Variants in PLPPR5 observed in about 807,000 individuals in gnomAD.
PLPPR5 encodes the protein phospholipid phosphatase related 5, also known as phospholipid phosphatase-related protein type 5.
PLPPR5 carries 16 observed loss-of-function variants against 33.9 expected under a neutral mutation model. That is an observed-to-expected ratio of 0.47 (90% CI 0.32 to 0.72). The LOEUF (loss-of-function observed/expected upper bound fraction) is 0.72. Among genes scored for constraint, PLPPR5 ranks in the 30% least tolerant of loss-of-function variants. The pLI is 0.03. For synonymous variants in PLPPR5, 163 were observed against 150.3 expected (o/e 1.08, Z -0.62); for missense variants, 301 against 406.7 (o/e 0.74, Z 2.23).
intron 1 of PLPPR5, among the ~76,000 whole-genome samples, chr1:98,991,732 G>A (rs535632106): frequency 2.0e-5 from 3 of 152,180 alleles, no homozygotes; most frequent in African/African-American, 4.8e-5. Context: ...ACTGGAAGGC[G>A]GAGCATCCCA....
rs1277010216 is a variant in PLPPR5, at chr1:98,890,571, A to G, written c.*2501T>C. 2.6e-5 allele frequency: 4 copies of G among 152,582 alleles called. No individual in the cohort carries two copies. Among genetic ancestry groups the G allele is most frequent in the Admixed American group, 1.3e-4 (2 of 15,258 alleles). 9.5% of individuals were successfully genotyped at this position (152,582 alleles called of 1,614,324 possible). A position where few individuals can be genotyped will look rare whatever the true frequency, so the allele number is the denominator to read the frequency against. ...CTAAATTATACTGACCTGGGCCCCAAGTAAGTAGAATAAAAAGGAGATGTT... is the reference window on the plus strand; with the variant it reads ...CTAAATTATACTGACCTGGGCCCCAGGTAAGTAGAATAAAAAGGAGATGTT... On this transcript the variant is annotated 3_prime_UTR_variant, in exon 6 of 6. Coordinates refer to ENST00000263177, the MANE Select transcript of PLPPR5 (RefSeq NM_001037317.2).
chr1:98,954,058 T>C (rs1435046507), intron 2 of PLPPR5, among the ~76,000 whole-genome samples: 1 of 152,200 alleles, frequency 6.6e-6, no homozygotes, highest in Non-Finnish European at 1.5e-5. Flanking sequence ...TTAAAATTTA[T>C]TTGCTTTGGT....
chr1:98,937,343 CT>C (rs1218894744), intron 3 of PLPPR5, among the ~76,000 whole-genome samples: 2 of 152,222 alleles, frequency 1.3e-5, no homozygotes, highest in Non-Finnish European at 2.9e-5. Context: ...ATTCTTGAAT[CT>C]TCCCTATCAA....
At chr1:99,002,663 T>C (rs1014012613) in intron 1 of PLPPR5, among the ~76,000 whole-genome samples, 1 of 152,160 alleles carries the variant, frequency 6.6e-6, no homozygotes, top group Non-Finnish European at 1.5e-5. Context: ...TGGAGAATCA[T>C]CCAAATCATT....
At chr1:98,940,786 A>G (rs938058382) in intron 3 of PLPPR5, among the ~76,000 whole-genome samples, 1 of 151,932 alleles carries the variant, frequency 6.6e-6, no homozygotes, top group African/African-American at 2.4e-5. Context: ...TTTCAGAGGT[A>G]TTTCAAATGT....
At chr1:98,980,586 C>T (rs1043136607) in intron 1 of PLPPR5, among the ~76,000 whole-genome samples, 4 of 152,058 alleles carry the variant, frequency 2.6e-5, no homozygotes, top group Admixed American at 2.6e-4. Context: ...AGGAATAGTA[C>T]TGTTCGACTT....
intron 5 of PLPPR5, among the ~76,000 whole-genome samples, chr1:98,904,634 T>C (rs568824853): frequency 9.9e-5 from 15 of 152,260 alleles, no homozygotes; most frequent in Admixed American, 2.0e-4. Flanking sequence ...GCCAGTCTCA[T>C]AGACCCAGCA....
Position 98,953,234 on chromosome 1 carries a change from C to A in PLPPR5, c.457G>T (p.Ala153Ser), listed in dbSNP as rs1266016143. Residue 153 changes from alanine to serine, a missense_variant, in exon 3 of 6, where the codon GCC becomes TCC. Transcript: ENST00000263177. The part of the protein sequence containing the change: ...VTGNLAPHFL[A>S]LCKPNYTALG... ...GCTGTATAATTGGGCTTACACAGGG[C>A]AAGGAAATGTGGGGCCAGATTTCCT... The A allele has an allele frequency of 1.2e-6, 2 of 1,613,850 alleles. No homozygotes were observed. Among genetic ancestry groups the A allele is most frequent in the African/African-American group, 2.7e-5 (2 of 74,854 alleles).
chr1:98,999,334 C>T (rs1039128767), intron 1 of PLPPR5, among the ~76,000 whole-genome samples: 4 of 152,162 alleles, frequency 2.6e-5, no homozygotes, highest in African/African-American at 9.7e-5. Context: ...ATATTTACCT[C>T]AATTTTACAA....
intron 1 of PLPPR5, among the ~76,000 whole-genome samples, chr1:98,971,858 G>T (rs1651673977): frequency 6.6e-6 from 1 of 151,984 alleles, no homozygotes; most frequent in South Asian, 2.1e-4. Flanking sequence ...TCATTGTGAT[G>T]AATATTTTCA....
intron 5 of PLPPR5, among the ~76,000 whole-genome samples, chr1:98,908,988 A>T (rs964018895): frequency 1.3e-5 from 2 of 152,074 alleles, no homozygotes; most frequent in Non-Finnish European, 2.9e-5. Flanking sequence ...AATTGAAAAA[A>T]TTTTTAAAAG....
intron 1 of PLPPR5, among the ~76,000 whole-genome samples, chr1:98,993,846 C>T (rs967040743): frequency 6.6e-6 from 1 of 151,920 alleles, no homozygotes; most frequent in Admixed American, 6.6e-5. Context: ...ATCAAAAGCA[C>T]CCTTTATAAA....
chr1:98,917,139 C>T (rs1018123141), intron 4 of PLPPR5, among the ~76,000 whole-genome samples: 1 of 152,104 alleles, frequency 6.6e-6, no homozygotes, highest in African/African-American at 2.4e-5. Flanking sequence ...AGGCAACATG[C>T]CACCCCACTC....
At chr1:98,983,220 A>G (rs1652121410) in intron 1 of PLPPR5, among the ~76,000 whole-genome samples, 1 of 138,828 alleles carries the variant, frequency 7.2e-6, no homozygotes, top group African/African-American at 2.7e-5. Context: ...TATATCTCCC[A>G]ATGCTATCCC....
At chr1:98,992,592 T>C (rs1652485629) in intron 1 of PLPPR5, among the ~76,000 whole-genome samples, 1 of 152,152 alleles carries the variant, frequency 6.6e-6, no homozygotes, top group Non-Finnish European at 1.5e-5. Flanking sequence ...AGTGTTACTT[T>C]TTGTCTGAAA....
At chr1:98,974,055 C>A (rs547101203) in intron 1 of PLPPR5, among the ~76,000 whole-genome samples, 2 of 151,918 alleles carry the variant, frequency 1.3e-5, no homozygotes, top group East Asian at 3.9e-4. Context: ...CAAAAGGGCA[C>A]ATGCAAATAA....
intron 1 of PLPPR5, among the ~76,000 whole-genome samples, chr1:98,978,134 T>C (rs557274674): frequency 1.3e-5 from 2 of 152,150 alleles, no homozygotes; most frequent in Non-Finnish European, 2.9e-5. Flanking sequence ...CATTTGACAA[T>C]GAATTCTTGA....
chr1:98,984,443 A>G (rs1652182945), intron 1 of PLPPR5, among the ~76,000 whole-genome samples: 2 of 152,192 alleles, frequency 1.3e-5, no homozygotes, highest in African/African-American at 2.4e-5. Context: ...GCTTACAAAA[A>G]TGGTGAAATC....
intron 5 of PLPPR5, among the ~76,000 whole-genome samples, chr1:98,913,739 C>T (rs1167795451): frequency 6.6e-6 from 1 of 152,142 alleles, no homozygotes; most frequent in Admixed American, 6.5e-5. Flanking sequence ...AAGATATTGA[C>T]CAAATGTGGA....
Sources: allele counts gnomAD v4.1 joint callset (sites outside exome capture counted in the v4.1 genomes callset), GRCh38; gene constraint gnomAD v4.1.1; transcripts MANE v1.5; gene names NCBI Gene and HGNC (gene_info 2026-07-23, HGNC 2026-07-21).